EPB41: variants seen among roughly 807,000 people sequenced by gnomAD.
EPB41 encodes the protein erythrocyte membrane protein band 4.1, also known as protein 4.1.
A neutral mutation model predicts 108.0 loss-of-function variants in EPB41; 65 were observed. That is an observed-to-expected ratio of 0.60 (90% confidence interval 0.49 to 0.74). The LOEUF is 0.74. Ranked by LOEUF, EPB41 falls within the 30% of genes least tolerant of loss-of-function variation. EPB41 has a pLI of 0.00. For synonymous variants in EPB41, 336 were observed against 358.9 expected (o/e 0.94, Z 0.72); for missense variants, 875 against 1,037.0 (o/e 0.84, Z 2.15).
Position 29,115,895 on chromosome 1 carries a change from C to A in EPB41, c.*6+92C>A. ...CCCTCGGACACACTGGGAGCCCATC[C>A]CCACAAAGAGGTGTTCACCCTGGGA... is the stretch of plus-strand genomic sequence containing the variant. On this transcript the variant is annotated intron_variant, in intron 20 of 20. Coordinates refer to ENST00000343067, the MANE Select transcript of EPB41 (RefSeq NM_001376013.1). The surrounding 1 kb of genome is among the most constrained non-coding windows in gnomAD (Gnocchi z 4.4). The A allele has an allele frequency of 1.0e-6, 1 of 973,468 alleles. No homozygotes were observed. The highest frequency in any genetic ancestry group is 1.6e-6 in the Non-Finnish European group (1 of 610,324). The allele number at this position is 973,468 out of a possible 1,614,324, so 60.3% of individuals were successfully genotyped here.
Position 29,116,858 on chromosome 1 carries a change from A to G in EPB41, c.*46A>G, listed in dbSNP as rs536889790. The G allele has an allele frequency of 6.6e-6, 1 of 152,320 alleles. No individual in the cohort carries two copies. The highest frequency in any genetic ancestry group is 2.4e-5 in the African/African-American group (1 of 41,572). 9.4% of individuals were successfully genotyped at this position (152,320 alleles called of 1,614,324 possible). ...CAACTCTGCCCTTCTCCCATCCAAGAGAAACCAGCAAAATGATAAAGAAGC... is the reference window on the plus strand; with the variant it reads ...CAACTCTGCCCTTCTCCCATCCAAGGGAAACCAGCAAAATGATAAAGAAGC... On this transcript the variant is annotated 3_prime_UTR_variant, in exon 21 of 21. Coordinates refer to ENST00000343067, the MANE Select transcript of EPB41 (RefSeq NM_001376013.1).
intron 10 of EPB41, among the ~76,000 whole-genome samples, chr1:29,036,870 C>T (rs995475438): frequency 6.6e-6 from 1 of 151,764 alleles, no homozygotes; most frequent in Middle Eastern, 3.4e-3. Context: ...TTAGTAGAGA[C>T]GAGGTTTCAC....
At chr1:28,952,510 A>G (rs925204727) in intron 1 of EPB41, among the ~76,000 whole-genome samples, 2 of 152,166 alleles carry the variant, frequency 1.3e-5, no homozygotes, top group Non-Finnish European at 2.9e-5. Context: ...TGGGCGACAG[A>G]GCAAAACTCC....
At chr1:29,012,741 A>G (rs991879909) in intron 5 of EPB41, among the ~76,000 whole-genome samples, 1 of 152,232 alleles carries the variant, frequency 6.6e-6, no homozygotes, top group African/African-American at 2.4e-5. Context: ...CACTTTTGTT[A>G]TGGTGAAATG....
chr1:29,061,572 G>GTTTTTTTTTTTTTTTT lies in EPB41; in HGVS notation c.2007+1099_2007+1114dup, dbSNP rs34413393. On this transcript the variant is annotated intron_variant, in intron 15 of 20. Transcript: ENST00000343067. ...GCGTGAGCCACTGCGCCTGGCCTTT[G>GTTTTTTTTTTTTTTTT]TTTTTTTTTTTTTTTTTTTTTTTTT... 3.6e-4 allele frequency among the ~76,000 whole-genome samples: 23 copies of GTTTTTTTTTTTTTTTT among 64,048 alleles called. 5 individuals are homozygous for GTTTTTTTTTTTTTTTT. In the East Asian group the frequency reaches 6.6e-3, roughly 18 times the overall value. 42.0% of individuals were successfully genotyped at this position (64,048 alleles called of 152,430 possible).
intron 1 of EPB41, among the ~76,000 whole-genome samples, chr1:28,981,293 G>A (rs1048045169): frequency 3.3e-5 from 5 of 152,158 alleles, no homozygotes; most frequent in Non-Finnish European, 7.3e-5. Flanking sequence ...TAACACAAAA[G>A]ATGGGAAAAT....
chr1:29,069,359 A>G lies in EPB41; in HGVS notation c.2184+4201A>G, dbSNP rs111580043. 7.4e-5 allele frequency: 91 copies of G among 1,230,956 alleles called. No individual in the cohort carries two copies. In the African/African-American group the frequency reaches 1.2e-3, roughly 17 times the overall value. 76.3% of individuals were successfully genotyped at this position (1,230,956 alleles called of 1,614,324 possible). ...TTGCAGGGGGAATAAAAACTTCTCAATTGGACAATTGGGGAGAAAAAACTT... is the reference window on the plus strand; with the variant it reads ...TTGCAGGGGGAATAAAAACTTCTCAGTTGGACAATTGGGGAGAAAAAACTT... On this transcript the variant is annotated intron_variant, in intron 16 of 20. Coordinates refer to ENST00000343067, the MANE Select transcript of EPB41 (RefSeq NM_001376013.1).
chr1:29,088,030 CCTTTTTCTTTTTTT>C (rs1014169764), intron 16 of EPB41, among the ~76,000 whole-genome samples: 4 of 149,282 alleles, frequency 2.7e-5, no homozygotes, highest in African/African-American at 7.4e-5. Flanking sequence ...CATCTTTTTT[CCTTTTTCTTTTTTT>C]CTTTTTTTCT....
chr1:29,035,086 A>G (rs1638952923), intron 9 of EPB41, among the ~76,000 whole-genome samples: 3 of 144,914 alleles, frequency 2.1e-5, no homozygotes, highest in Admixed American at 7.4e-5. Flanking sequence ...GGTTCAAGTG[A>G]TTCTCCTACC....
chr1:29,010,715 A>C (rs2096485599), intron 4 of EPB41, among the ~76,000 whole-genome samples: 1 of 152,192 alleles, frequency 6.6e-6, no homozygotes, highest in African/African-American at 2.4e-5. Flanking sequence ...GAGAACAGTG[A>C]AGGACAAGAT....
At chr1:28,991,066 C>T (rs1356677974) in intron 2 of EPB41, among the ~76,000 whole-genome samples, 1 of 151,686 alleles carries the variant, frequency 6.6e-6, no homozygotes, top group Non-Finnish European at 1.5e-5. Flanking sequence ...GGATCAGAGT[C>T]GTCTGGATAA....
chr1:29,075,435 G>A (rs549759883), intron 16 of EPB41, among the ~76,000 whole-genome samples: 1 of 152,128 alleles, frequency 6.6e-6, no homozygotes, highest in African/African-American at 2.4e-5. Context: ...CTGAGATCGC[G>A]CCACTGTACT....
intron 1 of EPB41, among the ~76,000 whole-genome samples, chr1:28,937,889 G>T (rs1557735394): frequency 6.6e-6 from 1 of 152,156 alleles, no homozygotes; most frequent in Non-Finnish European, 1.5e-5. Flanking sequence ...TGAGACAGGG[G>T]TCTGTCTGGA....
intron 17 of EPB41, among the ~76,000 whole-genome samples, chr1:29,107,851 CAAA>C (rs58046908): frequency 1.6e-5 from 1 of 62,822 alleles, no homozygotes; most frequent in Admixed American, 2.2e-4. Flanking sequence ...AACTCCATCT[CAAA>C]AAAAAAAAAA....
intron 16 of EPB41, chr1:29,070,103 C>T (rs565001580): frequency 3.2e-6 from 1 of 313,062 alleles, no homozygotes; most frequent in Non-Finnish European, 5.8e-6. Context: ...GAATAAATAA[C>T]ATAGCAAGGG....
chr1:28,979,668 C>T (rs1299627756), intron 1 of EPB41, among the ~76,000 whole-genome samples: 2 of 151,306 alleles, frequency 1.3e-5, no homozygotes, highest in East Asian at 3.9e-4. Flanking sequence ...AAAACTAGCA[C>T]ATGCTTCACT....
At chr1:29,070,665 C>T (rs908679606) in intron 16 of EPB41, 34 of 1,231,730 alleles carry the variant, frequency 2.8e-5, no homozygotes, top group Non-Finnish European at 3.2e-5. Context: ...GAACTTCTGT[C>T]CTTGGCTTCA....
chr1:29,030,775 CA>C (rs112014000), intron 8 of EPB41, among the ~76,000 whole-genome samples: 1,633 of 134,862 alleles, frequency 0.012, 6 homozygotes, highest in Non-Finnish European at 0.016. Context: ...GACCCCGTCT[CA>C]AAAAAAAAAA....
chr1:29,085,981 T>C (rs1658735626), intron 16 of EPB41, among the ~76,000 whole-genome samples: 2 of 152,324 alleles, frequency 1.3e-5, no homozygotes, highest in South Asian at 4.1e-4. Flanking sequence ...CTTTTTTCTT[T>C]TAGAAGCCTA....
Sources: gnomAD v4.1 joint callset for allele counts (sites outside exome capture counted in the v4.1 genomes callset) on GRCh38, gnomAD v4.1.1 for gene constraint, Gnocchi (gnomAD v3.1) non-coding constraint, MANE v1.5 for transcripts, NCBI Gene and HGNC (gene_info 2026-07-23, HGNC 2026-07-21) for gene names.